PARP4: variants seen among roughly 807,000 people sequenced by gnomAD.
PARP4 encodes poly(ADP-ribose) polymerase family member 4, also known as protein mono-ADP-ribosyltransferase PARP4.
In PARP4, 120 loss-of-function variants were observed where a neutral mutation model predicts 187.7. That is an observed-to-expected ratio of 0.64 (90% CI 0.55 to 0.74). PARP4 has a LOEUF of 0.74. PARP4 is among the 30% of genes least tolerant of loss of function. The probability of loss-of-function intolerance (pLI) is 0.00; values close to 1 mark genes in which losing one functional copy is unlikely to be tolerated. For missense variants in PARP4, 1,836 were observed against 2,070.5 expected, an observed-to-expected ratio of 0.89 and a Z score of 2.20; for synonymous variants, 654 against 740.9, an observed-to-expected ratio of 0.88 and a Z score of 1.90.
rs566672181 is a variant in PARP4, at chr13:24,441,756, T to C, written c.3666+90A>G. The C allele has an allele frequency of 2.5e-6, 3 of 1,187,692 alleles. No individual in the cohort carries two copies. In the African/African-American group the frequency reaches 4.6e-5, roughly 18 times the overall value. The allele number at this position is 1,187,692 out of a possible 1,614,324, so 73.6% of individuals were successfully genotyped here. On this transcript the variant is annotated intron_variant, in intron 30 of 33. Transcript: ENST00000381989. ...GGGATACAACTTCTTCATGTACAGG[T>C]AAGAAGGGAGCTATTTTAGCAAAGG...
chr13:24,470,823 G>T (rs1872699395), intron 15 of PARP4, among the ~76,000 whole-genome samples: 1 of 152,024 alleles, frequency 6.6e-6, no homozygotes, highest in Non-Finnish European at 1.5e-5. Context: ...GCTGCCCCTA[G>T]GGTGTGTAGG....
At chr13:24,455,339 T>A in intron 21 of PARP4, 127 bp from the exon 22 acceptor site, 2 of 554,586 alleles carry the variant, frequency 3.6e-6, no homozygotes, top group Non-Finnish European at 5.9e-6. Flanking sequence ...GAATAAGATG[T>A]AATTAACAAC....
At chr13:24,502,122 C>T (rs1164087697) in intron 2 of PARP4, among the ~76,000 whole-genome samples, 1 of 152,168 alleles carries the variant, frequency 6.6e-6, no homozygotes, top group Non-Finnish European at 1.5e-5. Flanking sequence ...TCCTCATGTA[C>T]ACATCCTTGT....
intron 1 of PARP4, among the ~76,000 whole-genome samples, chr13:24,508,680 C>A (rs1163611208): frequency 6.6e-6 from 1 of 151,970 alleles, no homozygotes. Flanking sequence ...TGCCTGGCTA[C>A]TTTTTGTATT....
At chr13:24,451,901 T>C (rs1419389166) in intron 24 of PARP4, 1 of 153,336 alleles carries the variant, frequency 6.5e-6, no homozygotes, top group African/African-American at 2.4e-5. Context: ...AAAATGCAAG[T>C]GCTCATAATG....
At chr13:24,448,770 G>A (rs1264213148) in intron 25 of PARP4, among the ~76,000 whole-genome samples, 2 of 152,138 alleles carry the variant, frequency 1.3e-5, no homozygotes, top group Non-Finnish European at 1.5e-5. Flanking sequence ...TCCATGCAAT[G>A]GAATATTATT....
At chr13:24,459,594 G>T (rs1872091764) in intron 18 of PARP4, 1 of 373,244 alleles carries the variant, frequency 2.7e-6, no homozygotes, top group Non-Finnish European at 4.8e-6. Context: ...TACATACAAA[G>T]TAGGAAGTTT....
At chr13:24,505,999 C>T (rs1458992061) in intron 1 of PARP4, among the ~76,000 whole-genome samples, 1 of 152,236 alleles carries the variant, frequency 6.6e-6, no homozygotes, top group African/African-American at 2.4e-5. Flanking sequence ...GCCCTTTCAC[C>T]TCCCACTCCT....
At chr13:24,425,257 C>T (rs1186414586) in intron 33 of PARP4, among the ~76,000 whole-genome samples, 1 of 151,026 alleles carries the variant, frequency 6.6e-6, no homozygotes, top group Non-Finnish European at 1.5e-5. Context: ...GCTGAGATTG[C>T]ACCACTGCAC....
chr13:24,435,075 G>C lies in PARP4; in HGVS notation c.4066C>G (p.Pro1356Ala). The C allele has an allele frequency of 1.2e-6, 2 of 1,614,160 alleles. No individual in the cohort carries two copies. Among genetic ancestry groups the C allele is most frequent in the Non-Finnish European group, 8.5e-7 (1 of 1,180,042 alleles). ...QVASFGSAAP[P>A]RQFDASQFSQ... ...AATTGAGATGCATCAAACTGTCTGG[G>C]AGGAGCAGCTGAACCGAAACTAGCT... The change falls in exon 31 of 34, where the codon CCC becomes GCC. Residue 1356 changes from proline to alanine, a missense_variant. This residue lies in a region of PARP4 where 450 missense variants were observed against 439.2 expected (regional missense o/e 1.02). Transcript: ENST00000381989.
chr13:24,431,830 A>G (rs1425697618), intron 31 of PARP4, among the ~76,000 whole-genome samples: 1 of 152,266 alleles, frequency 6.6e-6, no homozygotes, highest in Non-Finnish European at 1.5e-5. Flanking sequence ...CATAAATGCT[A>G]TGAACACTAC....
At chr13:24,493,822 G>A in intron 7 of PARP4, 89 bp from the exon 8 acceptor site, 15 of 1,300,536 alleles carry the variant, frequency 1.2e-5, no homozygotes, top group Non-Finnish European at 1.5e-5. Context: ...GAGGTGTGAG[G>A]AGAAATAATT....
At chr13:24,462,985 A>G (rs1394534201) in intron 17 of PARP4, among the ~76,000 whole-genome samples, 1 of 152,168 alleles carries the variant, frequency 6.6e-6, no homozygotes, top group African/African-American at 2.4e-5. Context: ...TTCAATAGAT[A>G]AAGATCAAGA....
intron 22 of PARP4, among the ~76,000 whole-genome samples, chr13:24,454,734 C>G (rs1464430789): frequency 6.6e-6 from 1 of 152,194 alleles, no homozygotes; most frequent in Non-Finnish European, 1.5e-5. Context: ...ATCCTCCTCA[C>G]AGCAACACTG....
At chr13:24,474,874 C>T (rs536633070) in intron 15 of PARP4, among the ~76,000 whole-genome samples, 1 of 152,044 alleles carries the variant, frequency 6.6e-6, no homozygotes, top group Non-Finnish European at 1.5e-5. Flanking sequence ...GTGAGAGCCC[C>T]TCACCTCTCT....
chr13:24,494,428 A>C (rs1868828781), intron 7 of PARP4, 145 bp downstream of exon 7: 1 of 656,718 alleles, frequency 1.5e-6, no homozygotes, highest in East Asian at 2.9e-5. Context: ...TCCTGGCCTC[A>C]AGTGATCCTC....
At position 24,507,075 on chromosome 13, in the gene PARP4, C is replaced by T. The variant is rs578025925; in HGVS notation, c.-1-3298G>A. ...ACGCTAAGCCCCTCACTGTCCGGGG[C>T]CGGCGGGGCCAGCGGGCTGCTCAGA... On this transcript the variant is annotated intron_variant, in intron 1 of 33. Coordinates refer to ENST00000381989, the MANE Select transcript of PARP4 (RefSeq NM_006437.4). Among the ~76,000 whole-genome samples, 19 of 149,142 alleles carry T rather than the reference C, an allele frequency of 1.3e-4. 1 individual carries two copies. The South Asian group carries it at 3.5e-3, about 28-fold the overall frequency.
chr13:24,483,282 C>G (rs188132134), intron 12 of PARP4, among the ~76,000 whole-genome samples: 2 of 151,004 alleles, frequency 1.3e-5, no homozygotes, highest in Admixed American at 6.6e-5. Flanking sequence ...GTCAGGAGAT[C>G]GAGACCATCC....
At chr13:24,485,185 T>C (rs1873488211) in intron 11 of PARP4, among the ~76,000 whole-genome samples, 1 of 152,222 alleles carries the variant, frequency 6.6e-6, no homozygotes, top group African/African-American at 2.4e-5. Flanking sequence ...ATAGATAGTA[T>C]TGAAGAACTT....
Sources: allele counts gnomAD v4.1 joint callset (sites outside exome capture counted in the v4.1 genomes callset), GRCh38; gene constraint gnomAD v4.1.1; regional missense constraint gnomAD v4.1.1; transcripts MANE v1.5; gene names NCBI Gene and HGNC (gene_info 2026-07-23, HGNC 2026-07-21).